LRTM1: variants seen among roughly 807,000 people sequenced by gnomAD.
LRTM1 encodes the protein leucine-rich repeat and transmembrane domain-containing protein 1.
Under a neutral mutation model 32.4 loss-of-function variants are expected in LRTM1, and 38 were observed. The ratio of observed to expected loss-of-function variants is 1.17; its 90% CI spans 0.91 to 1.54. The LOEUF is 1.54. Among genes scored for constraint, LRTM1 ranks in the 40% most tolerant of loss-of-function variants. The probability of loss-of-function intolerance (pLI) is 0.00; values close to 1 mark genes in which losing one functional copy is unlikely to be tolerated. For synonymous variants in LRTM1, 186 were observed against 169.9 expected (o/e 1.09, Z -0.74); for missense variants, 466 against 415.4 (o/e 1.12, Z -1.06).
chr3:54,918,755 C>T lies in LRTM1; in HGVS notation c.742G>A (p.Gly248Ser), dbSNP rs765585907. 35 of 1,614,112 alleles carry T rather than the reference C, an allele frequency of 2.2e-5. No individual in the cohort carries two copies. The highest frequency in any genetic ancestry group is 8.3e-5 in the Admixed American group (5 of 60,014). The change falls in exon 3 of 3, where the codon GGC (glycine) becomes AGC (serine). Residue 248 changes from glycine to serine, a missense_variant. By Grantham distance (56) the Gly-to-Ser change is moderately conservative. Transcript: ENST00000273286. ...CTCAGGACCACACCGTGGGCAGAGCCGGGCCACTGAGCCTGCGAGGACACT... is the reference window on the plus strand; with the variant it reads ...CTCAGGACCACACCGTGGGCAGAGCTGGGCCACTGAGCCTGCGAGGACACT... ...DPVSSQAQWPGSAHGVVLRPP... is the reference protein window; with the variant it reads ...DPVSSQAQWPSSAHGVVLRPP...
intron 1 of LRTM1, among the ~76,000 whole-genome samples, chr3:54,946,007 C>G (rs1701605357): frequency 6.6e-6 from 1 of 152,212 alleles, no homozygotes; most frequent in Non-Finnish European, 1.5e-5. Flanking sequence ...TCTTTCCAAA[C>G]AGCAGGAAAA....
chr3:54,943,679 A>G (rs1459759144), intron 1 of LRTM1, among the ~76,000 whole-genome samples: 1 of 148,796 alleles, frequency 6.7e-6, no homozygotes, highest in East Asian at 1.9e-4. Flanking sequence ...TGTCTCAAAT[A>G]TGTATTACTA....
intron 1 of LRTM1, among the ~76,000 whole-genome samples, chr3:54,944,935 T>G (rs1175809384): frequency 6.6e-6 from 1 of 152,138 alleles, no homozygotes; most frequent in East Asian, 1.9e-4. Flanking sequence ...TGTAGCCTAG[T>G]TCACTTTTAA....
upstream of LRTM1, among the ~76,000 whole-genome samples, chr3:54,931,045 G>A (rs1253344003): frequency 2.6e-5 from 4 of 152,262 alleles, no homozygotes; most frequent in South Asian, 2.1e-4. Context: ...GTAGTGAGCC[G>A]AGATCGTGCC....
intron 1 of LRTM1, among the ~76,000 whole-genome samples, chr3:54,961,317 G>A (rs1009200266): frequency 3.3e-5 from 5 of 152,224 alleles, no homozygotes; most frequent in African/African-American, 1.2e-4. Context: ...CAGCAAGGAA[G>A]CTGATGATCT....
At chr3:54,961,904 A>G (rs373252783) in intron 1 of LRTM1, among the ~76,000 whole-genome samples, 2 of 152,074 alleles carry the variant, frequency 1.3e-5, no homozygotes, top group Non-Finnish European at 2.9e-5. Context: ...TCCAAGTTCA[A>G]GGGGCCCCAT....
intron 1 of LRTM1, among the ~76,000 whole-genome samples, chr3:54,934,492 G>C (rs959281140): frequency 1.3e-5 from 2 of 152,106 alleles, no homozygotes; most frequent in African/African-American, 4.8e-5. Context: ...GAATATCAGC[G>C]GAGTTTGAAC....
chr3:54,964,348 C>A (rs371409018), intron 1 of LRTM1, among the ~76,000 whole-genome samples: 1 of 151,940 alleles, frequency 6.6e-6, no homozygotes, highest in Non-Finnish European at 1.5e-5. Flanking sequence ...CTGTGACCTC[C>A]GGGGAAATAT....
At chr3:54,936,630 A>G (rs975395141) in intron 1 of LRTM1, among the ~76,000 whole-genome samples, 1 of 152,134 alleles carries the variant, frequency 6.6e-6, no homozygotes, top group Non-Finnish European at 1.5e-5. Context: ...ATATTGGGTT[A>G]CCTACTACAT....
chr3:54,921,400 G>A (rs9855191), intron 2 of LRTM1, among the ~76,000 whole-genome samples: 93,488 of 152,022 alleles, frequency 0.61, 28,947 homozygotes, highest in East Asian at 0.76. Context: ...CTAGCTCAGA[G>A]TAAATGTTTA....
At chr3:54,919,914 C>T (rs773751872) in intron 2 of LRTM1, among the ~76,000 whole-genome samples, 1 of 152,194 alleles carries the variant, frequency 6.6e-6, no homozygotes, top group Non-Finnish European at 1.5e-5. Flanking sequence ...CTCGCTGCCT[C>T]GCCACATCCT....
chr3:54,933,148 C>T (rs567260896), intron 1 of LRTM1, among the ~76,000 whole-genome samples: 178 of 147,034 alleles, frequency 1.2e-3, no homozygotes, highest in Non-Finnish European at 2.4e-3. Flanking sequence ...ATTTACTATC[C>T]TATAAGAGAT....
chr3:54,922,918 T>C (rs182223610), intron 2 of LRTM1, among the ~76,000 whole-genome samples: 26 of 152,270 alleles, frequency 1.7e-4, no homozygotes, highest in African/African-American at 6.0e-4. Flanking sequence ...CCCATAATTA[T>C]GGTCTTCTCT....
intron 1 of LRTM1, among the ~76,000 whole-genome samples, chr3:54,951,701 C>T (rs779093213): frequency 2.6e-4 from 39 of 152,150 alleles, no homozygotes; most frequent in Non-Finnish European, 5.0e-4. Context: ...GTCACTGAAC[C>T]GCCGTGTACC....
At chr3:54,964,401 G>T (rs927533068) in intron 1 of LRTM1, among the ~76,000 whole-genome samples, 2 of 129,428 alleles carry the variant, frequency 1.5e-5, no homozygotes, top group African/African-American at 5.1e-5. Context: ...CAAACCCCAG[G>T]AATGGTGATT....
At chr3:54,956,039 G>A (rs572515685) in intron 1 of LRTM1, among the ~76,000 whole-genome samples, 4 of 152,118 alleles carry the variant, frequency 2.6e-5, no homozygotes, top group African/African-American at 4.8e-5. Flanking sequence ...CCAGAGTGCC[G>A]TCCGCCCCTC....
chr3:54,945,804 A>C (rs750789326), intron 1 of LRTM1, among the ~76,000 whole-genome samples: 4 of 152,172 alleles, frequency 2.6e-5, no homozygotes, highest in Non-Finnish European at 4.4e-5. Context: ...GGGACCAGGC[A>C]GGGTTTGCAG....
intron 1 of LRTM1, among the ~76,000 whole-genome samples, chr3:54,934,340 G>A (rs995666938): frequency 2.6e-5 from 4 of 152,210 alleles, no homozygotes; most frequent in Non-Finnish European, 5.9e-5. Flanking sequence ...GAGCCGTTCA[G>A]TGGAGAACCA....
chr3:54,946,758 C>A (rs1273115091), intron 1 of LRTM1, among the ~76,000 whole-genome samples: 1 of 151,336 alleles, frequency 6.6e-6, no homozygotes, highest in Non-Finnish European at 1.5e-5. Context: ...CTTAAACACC[C>A]GAAATCATGG....
Sources: allele counts gnomAD v4.1 joint callset (sites outside exome capture counted in the v4.1 genomes callset), GRCh38; gene constraint gnomAD v4.1.1; transcripts MANE v1.5; gene names NCBI Gene and HGNC (gene_info 2026-07-23, HGNC 2026-07-21).